UNC79: variants seen among roughly 807,000 people sequenced by gnomAD.
The protein encoded by UNC79 is unc-79 subunit of NALCN channel complex.
A neutral mutation model predicts 283.1 loss-of-function variants in UNC79; 37 were observed. The observed-to-expected ratio is 0.13, with a 90% CI of 0.10 to 0.17. The LOEUF (loss-of-function observed/expected upper bound fraction) is 0.17, where lower values mean the gene tolerates loss of function less well. Among genes scored for constraint, UNC79 ranks in the 10% least tolerant of loss-of-function variants. The pLI is 1.00. For synonymous variants in UNC79, 1,107 were observed against 1,200.2 expected (o/e 0.92, Z 1.61); for missense variants, 2,272 against 3,211.1 (o/e 0.71, Z 7.07).
chr14:93,391,846 A>G (rs962106670), intron 1 of UNC79, among the ~76,000 whole-genome samples: 10 of 152,246 alleles, frequency 6.6e-5, no homozygotes, highest in Admixed American at 5.9e-4. Context: ...CAAATGTGCA[A>G]TAAATGCATG....
At chr14:93,453,011 T>A (rs1160722416) in intron 1 of UNC79, among the ~76,000 whole-genome samples, 1 of 152,216 alleles carries the variant, frequency 6.6e-6, no homozygotes, top group Admixed American at 6.5e-5. Context: ...TGAATCAAAG[T>A]ACATCTGAAT....
At chr14:93,402,137 G>T (rs2055120687) in intron 1 of UNC79, among the ~76,000 whole-genome samples, 1 of 151,958 alleles carries the variant, frequency 6.6e-6, no homozygotes, top group Admixed American at 6.6e-5. Flanking sequence ...AATTAGCTGG[G>T]TGTGGTAGTG....
chr14:93,355,622 C>T (rs552915213), intron 1 of UNC79, among the ~76,000 whole-genome samples: 5 of 152,152 alleles, frequency 3.3e-5, no homozygotes, highest in Admixed American at 6.5e-5. Context: ...TGTGAGCCAC[C>T]GTGCCTAATT....
chr14:93,489,982 C>T (rs1415060762), intron 5 of UNC79, among the ~76,000 whole-genome samples: 1 of 152,214 alleles, frequency 6.6e-6, no homozygotes, highest in Non-Finnish European at 1.5e-5. Flanking sequence ...CATGCCTTTG[C>T]TGGGTACAGT....
At chr14:93,435,051 G>A (rs981751829) in intron 1 of UNC79, among the ~76,000 whole-genome samples, 2 of 152,136 alleles carry the variant, frequency 1.3e-5, no homozygotes, top group African/African-American at 4.8e-5. Flanking sequence ...GAAATCAATA[G>A]ATAGTTTTCT....
intron 1 of UNC79, among the ~76,000 whole-genome samples, chr14:93,343,554 C>G (rs2139886448): frequency 6.6e-6 from 1 of 152,132 alleles, no homozygotes; most frequent in South Asian, 2.1e-4. Context: ...TTTTTCCTCC[C>G]CTATTTTTCA....
intron 40 of UNC79, among the ~76,000 whole-genome samples, chr14:93,664,360 A>G (rs2071933513): frequency 6.6e-6 from 1 of 152,202 alleles, no homozygotes; most frequent in Non-Finnish European, 1.5e-5. Context: ...AGCTAATTTT[A>G]TAGAATGAAA....
intron 1 of UNC79, among the ~76,000 whole-genome samples, chr14:93,389,463 A>G (rs1483094647): frequency 3.3e-5 from 5 of 152,094 alleles, no homozygotes; most frequent in African/African-American, 1.2e-4. Flanking sequence ...GTCCAGTTCC[A>G]TTTTCCTGGA....
At chr14:93,553,007 T>G (rs1478792448) in intron 14 of UNC79, among the ~76,000 whole-genome samples, 1 of 152,232 alleles carries the variant, frequency 6.6e-6, no homozygotes, top group Non-Finnish European at 1.5e-5. Context: ...AAAAGCAGTA[T>G]GAAAGCATGT....
At chr14:93,668,455 A>G (rs1484121272) in intron 40 of UNC79, among the ~76,000 whole-genome samples, 1 of 152,120 alleles carries the variant, frequency 6.6e-6, no homozygotes, top group Non-Finnish European at 1.5e-5. Context: ...TCATGCCTAT[A>G]ATCCCTTCAC....
chr14:93,580,017 A>T lies in UNC79; in HGVS notation c.2434-132A>T, dbSNP rs145342635. ...GCCTATATTGTCTTTAAATAATTCA[A>T]TATTTCTGTCAGTTAGTGAAAATCA... On this transcript the variant is annotated intron_variant, in intron 18 of 48. Coordinates refer to ENST00000555664, the Ensembl canonical transcript of UNC79. 53 of 773,536 alleles carry T rather than the reference A, an allele frequency of 6.9e-5. No homozygotes were observed. The East Asian group carries it at 1.4e-3, about 21-fold the overall frequency. The allele number at this position is 773,536 out of a possible 1,614,324, so 47.9% of individuals were successfully genotyped here. A position where few individuals can be genotyped will look rare whatever the true frequency, so the allele number is the denominator to read the frequency against.
intron 1 of UNC79, among the ~76,000 whole-genome samples, chr14:93,382,144 A>G (rs1422018220): frequency 1.3e-5 from 2 of 152,204 alleles, no homozygotes; most frequent in South Asian, 2.1e-4. Context: ...AATACAAGGT[A>G]TGTAATAGAT....
intron 1 of UNC79, among the ~76,000 whole-genome samples, chr14:93,453,234 C>T (rs985580899): frequency 2.6e-5 from 4 of 152,144 alleles, no homozygotes; most frequent in Non-Finnish European, 5.9e-5. Context: ...ATTTTCAGTG[C>T]AATCATTTTG....
chr14:93,693,856 T>C (rs2074891522), intron 46 of UNC79, among the ~76,000 whole-genome samples: 1 of 152,230 alleles, frequency 6.6e-6, no homozygotes, highest in Admixed American at 6.5e-5. Flanking sequence ...GTGCTTTCTC[T>C]AAGACAAATT....
chr14:93,634,427 T>TG (rs2068331082), intron 31 of UNC79, 94 bp from the exon 34 acceptor site: 2 of 916,606 alleles, frequency 2.2e-6, no homozygotes, highest in Non-Finnish European at 3.4e-6. Context: ...GAATAGCAAA[T>TG]GAAGGGTCAA....
intron 7 of UNC79, among the ~76,000 whole-genome samples, chr14:93,500,549 A>T (rs2059233797): frequency 6.6e-6 from 1 of 152,216 alleles, no homozygotes; most frequent in South Asian, 2.1e-4. Context: ...TTATGATATT[A>T]TCTAATTTTT....
chr14:93,513,490 A>G (rs2059923431), intron 7 of UNC79, among the ~76,000 whole-genome samples: 1 of 152,070 alleles, frequency 6.6e-6, no homozygotes, highest in Non-Finnish European at 1.5e-5. Context: ...AAGTGCTGGG[A>G]TTACAGACAT....
At chr14:93,377,607 T>G (rs568187755) in intron 1 of UNC79, among the ~76,000 whole-genome samples, 2 of 152,290 alleles carry the variant, frequency 1.3e-5, no homozygotes, top group East Asian at 3.9e-4. Flanking sequence ...GGAGCACAAC[T>G]CTCAATCTCT....
At chr14:93,547,299 A>G (rs992638670) in intron 14 of UNC79, among the ~76,000 whole-genome samples, 1 of 152,222 alleles carries the variant, frequency 6.6e-6, no homozygotes, top group Non-Finnish European at 1.5e-5. Context: ...TTTTTATTTG[A>G]CAACGCTTTC....
Sources: allele counts gnomAD v4.1 joint callset (sites outside exome capture counted in the v4.1 genomes callset), GRCh38; gene constraint gnomAD v4.1.1; transcripts MANE v1.5; gene names NCBI Gene and HGNC (gene_info 2026-07-23, HGNC 2026-07-21).